The following TTC29 variants were observed in gnomAD, a reference collection of about 807,000 sequenced individuals.
TTC29 encodes the protein tetratricopeptide repeat domain 29.
In TTC29, 49 loss-of-function variants were observed where a neutral mutation model predicts 58.1. That is an observed-to-expected ratio of 0.84 (90% CI 0.67 to 1.07). The LOEUF (loss-of-function observed/expected upper bound fraction) is 1.07. TTC29 is among the 50% of genes least tolerant of loss of function. The probability of loss-of-function intolerance (pLI) is 0.00; values close to 1 mark genes in which losing one functional copy is unlikely to be tolerated. For synonymous variants in TTC29, 209 were observed against 196.8 expected (o/e 1.06, Z -0.52); for missense variants, 582 against 555.6 (o/e 1.05, Z -0.48).
chr4:146,755,582 G>A (rs1298518113), intron 11 of TTC29, among the ~76,000 whole-genome samples: 1 of 152,084 alleles, frequency 6.6e-6, no homozygotes, highest in Non-Finnish European at 1.5e-5. Context: ...TTGTATATGG[G>A]ATTCATGCTA....
At chr4:146,781,164 G>A (rs1748570775) in intron 11 of TTC29, among the ~76,000 whole-genome samples, 1 of 151,842 alleles carries the variant, frequency 6.6e-6, no homozygotes, top group Admixed American at 6.6e-5. Context: ...AAATACACCT[G>A]TCAGTATAGT....
At chr4:146,864,864 T>C (rs1235069548) in intron 8 of TTC29, among the ~76,000 whole-genome samples, 1 of 151,958 alleles carries the variant, frequency 6.6e-6, no homozygotes, top group Non-Finnish European at 1.5e-5. Flanking sequence ...CATCTCAAGA[T>C]CTTTAACTTA....
chr4:146,939,141 G>T (rs972815484), intron 3 of TTC29, among the ~76,000 whole-genome samples: 1 of 152,068 alleles, frequency 6.6e-6, no homozygotes, highest in Non-Finnish European at 1.5e-5. Flanking sequence ...CAGCCCTTGG[G>T]ACCTTGTAGA....
intron 10 of TTC29, 63 bp from the exon 11 acceptor site, chr4:146,803,748 T>C: frequency 7.3e-7 from 1 of 1,364,020 alleles, no homozygotes; most frequent in Non-Finnish European, 9.8e-7. Context: ...ACATATTTTC[T>C]GACCTTACCC....
chr4:146,871,691 A>G (rs970584635), intron 7 of TTC29, among the ~76,000 whole-genome samples: 12 of 152,002 alleles, frequency 7.9e-5, no homozygotes, highest in African/African-American at 2.4e-4. Context: ...TTAAAAATAA[A>G]TTTAACAAAA....
intron 8 of TTC29, among the ~76,000 whole-genome samples, chr4:146,838,676 G>C (rs2150165385): frequency 6.6e-6 from 1 of 152,086 alleles, no homozygotes; most frequent in Admixed American, 6.6e-5. Context: ...TGAACTGCAT[G>C]AGTCTACTTA....
chr4:146,764,069 G>A (rs1302452797), intron 11 of TTC29: 1 of 152,002 alleles, frequency 6.6e-6, no homozygotes, highest in Non-Finnish European at 1.5e-5. Flanking sequence ...CAACATGGAG[G>A]ATATACCCCA....
At chr4:146,923,719 CAT>C (rs1324797643) in intron 4 of TTC29, among the ~76,000 whole-genome samples, 12 of 151,804 alleles carry the variant, frequency 7.9e-5, no homozygotes, top group African/African-American at 2.7e-4. Flanking sequence ...CCTAAAATAA[CAT>C]ATGAACTTAA....
chr4:146,799,510 T>C (rs1750061170), intron 11 of TTC29, among the ~76,000 whole-genome samples: 1 of 152,212 alleles, frequency 6.6e-6, no homozygotes, highest in African/African-American at 2.4e-5. Context: ...GACAAAGTCA[T>C]GGTTTTGATC....
At chr4:146,892,259 A>G (rs571858767) in intron 6 of TTC29, among the ~76,000 whole-genome samples, 88 of 152,188 alleles carry the variant, frequency 5.8e-4, no homozygotes, top group Admixed American at 1.7e-3. Context: ...ACCTTCTGCC[A>G]TGATTGTGAG....
chr4:146,845,357 G>C (rs935024730), intron 8 of TTC29, among the ~76,000 whole-genome samples: 3 of 152,142 alleles, frequency 2.0e-5, no homozygotes, highest in Non-Finnish European at 4.4e-5. Flanking sequence ...ACAATGATTA[G>C]TGACATCCTT....
At chr4:146,770,554 TG>T (rs1235046632) in intron 11 of TTC29, among the ~76,000 whole-genome samples, 1 of 152,028 alleles carries the variant, frequency 6.6e-6, no homozygotes, top group African/African-American at 2.4e-5. Context: ...AACTGAATTC[TG>T]GTCTTTAGGA....
intron 10 of TTC29, among the ~76,000 whole-genome samples, chr4:146,810,300 T>C (rs979687602): frequency 6.6e-6 from 1 of 152,068 alleles, no homozygotes; most frequent in Non-Finnish European, 1.5e-5. Flanking sequence ...AAATACCTAA[T>C]ATAGATGACA....
chr4:146,803,381 G>T, intron 11 of TTC29, 76 bp downstream of exon 11: 1 of 1,085,606 alleles, frequency 9.2e-7, no homozygotes, highest in Non-Finnish European at 1.3e-6. Flanking sequence ...ACATTTGAGT[G>T]AAACTTTCCA....
At chr4:146,761,669 GTT>G (rs71592468) in intron 11 of TTC29, among the ~76,000 whole-genome samples, 5 of 127,632 alleles carry the variant, frequency 3.9e-5, no homozygotes, top group African/African-American at 1.2e-4. Flanking sequence ...AAACAGAGTA[GTT>G]TTTTTTTTTT....
At chr4:146,718,673 T>C (rs1743121642) in intron 11 of TTC29, among the ~76,000 whole-genome samples, 1 of 152,162 alleles carries the variant, frequency 6.6e-6, no homozygotes, top group African/African-American at 2.4e-5. Context: ...CTCTTCACTC[T>C]GTTGTTTTCT....
At chr4:146,812,356 A>T (rs1323385851) in intron 10 of TTC29, among the ~76,000 whole-genome samples, 1 of 152,212 alleles carries the variant, frequency 6.6e-6, no homozygotes, top group Non-Finnish European at 1.5e-5. Flanking sequence ...AAGTGGACAT[A>T]GATATGAATT....
At chr4:146,901,058 A>G (rs893440910) in intron 6 of TTC29, among the ~76,000 whole-genome samples, 1 of 152,112 alleles carries the variant, frequency 6.6e-6, no homozygotes, top group Non-Finnish European at 1.5e-5. Flanking sequence ...TCAGTAACTG[A>G]CAGTTCCATT....
intron 11 of TTC29, among the ~76,000 whole-genome samples, chr4:146,795,509 A>C (rs1187113566): frequency 6.6e-6 from 1 of 152,160 alleles, no homozygotes; most frequent in Non-Finnish European, 1.5e-5. Context: ...TTATTTTTGT[A>C]TTAATTATGC....
Sources: allele counts gnomAD v4.1 joint callset (sites outside exome capture counted in the v4.1 genomes callset), GRCh38; gene constraint gnomAD v4.1.1; transcripts MANE v1.5; gene names NCBI Gene and HGNC (gene_info 2026-07-23, HGNC 2026-07-21).